Variants in SUMF1 observed in about 807,000 individuals in gnomAD.
SUMF1 encodes the protein formylglycine-generating enzyme.
In SUMF1, 48 loss-of-function variants were observed where a neutral mutation model predicts 47.6. The observed-to-expected ratio is 1.01, with a 90% CI of 0.80 to 1.28. SUMF1 has a LOEUF of 1.28. Ranked by LOEUF, SUMF1 falls within the 50% of genes most tolerant of loss-of-function variation. The probability of loss-of-function intolerance (pLI) is 0.00; values close to 1 mark genes in which losing one functional copy is unlikely to be tolerated. For synonymous variants in SUMF1, 230 were observed against 192.1 expected, an observed-to-expected ratio of 1.20 and a Z score of -1.63; for missense variants, 571 against 485.4, an observed-to-expected ratio of 1.18 and a Z score of -1.66.
chr3:4,277,429 G>C (rs1697441672), intron 8 of SUMF1, among the ~76,000 whole-genome samples: 2 of 151,876 alleles, frequency 1.3e-5, no homozygotes, highest in Admixed American at 1.3e-4. Context: ...AGATTACCCA[G>C]GACAGTACAA....
intron 3 of SUMF1, among the ~76,000 whole-genome samples, chr3:4,442,651 A>AAAAAAAAAG (rs1416742068): frequency 1.1e-3 from 36 of 34,010 alleles, no homozygotes; most frequent in African/African-American, 1.5e-3. Flanking sequence ...AAAAAAAAAA[A>AAAAAAAAAG]AGAGAGAGAA....
chr3:4,388,665 T>G (rs1389364993), intron 7 of SUMF1, among the ~76,000 whole-genome samples: 1 of 152,092 alleles, frequency 6.6e-6, no homozygotes. Context: ...TTCCTGTGGG[T>G]TACCCAAACT....
At chr3:4,054,787 G>T (rs1307874160) in intron 9 of SUMF1, among the ~76,000 whole-genome samples, 1 of 152,158 alleles carries the variant, frequency 6.6e-6, no homozygotes, top group Non-Finnish European at 1.5e-5. Flanking sequence ...TCTTTTAACA[G>T]ATATTGAGCT....
At chr3:4,120,590 G>C (rs1280448875) in intron 8 of SUMF1, among the ~76,000 whole-genome samples, 1 of 151,986 alleles carries the variant, frequency 6.6e-6, no homozygotes, top group East Asian at 1.9e-4. Flanking sequence ...GAAATTCAAG[G>C]CCAAACAGCT....
intron 8 of SUMF1, among the ~76,000 whole-genome samples, chr3:4,204,243 T>C (rs575218716): frequency 2.0e-5 from 3 of 152,226 alleles, no homozygotes; most frequent in African/African-American, 7.2e-5. Flanking sequence ...TTGAAGGATA[T>C]TCAAATACAT....
chr3:4,154,611 C>T (rs1357710768), intron 8 of SUMF1, among the ~76,000 whole-genome samples: 2 of 129,766 alleles, frequency 1.5e-5, no homozygotes, highest in African/African-American at 6.0e-5. Flanking sequence ...CAGAATTCAA[C>T]CTCTCGTTGA....
chr3:4,060,790 TG>T (rs1695264779), intron 9 of SUMF1, among the ~76,000 whole-genome samples: 1 of 152,172 alleles, frequency 6.6e-6, no homozygotes, highest in Admixed American at 6.5e-5. Context: ...AGGGTTATGA[TG>T]AGGAATAAAT....
At chr3:4,289,729 T>C (rs1697703752) in intron 8 of SUMF1, among the ~76,000 whole-genome samples, 1 of 152,052 alleles carries the variant, frequency 6.6e-6, no homozygotes, top group Non-Finnish European at 1.5e-5. Context: ...GTAAAGCATC[T>C]GGTTGTAGGG....
intron 8 of SUMF1, among the ~76,000 whole-genome samples, chr3:4,335,170 T>C (rs1207761809): frequency 6.6e-6 from 1 of 152,124 alleles, no homozygotes; most frequent in Non-Finnish European, 1.5e-5. Flanking sequence ...AAAAAAGTGA[T>C]CTCTGCCTGC....
intron 8 of SUMF1, among the ~76,000 whole-genome samples, chr3:4,105,148 A>C (rs1164340308): frequency 2.6e-5 from 4 of 152,162 alleles, no homozygotes; most frequent in Admixed American, 1.3e-4. Flanking sequence ...CAAATACTGC[A>C]TGATCTCACT....
chr3:4,355,866 G>T (rs1699606395), intron 8 of SUMF1, among the ~76,000 whole-genome samples: 1 of 152,106 alleles, frequency 6.6e-6, no homozygotes, highest in African/African-American at 2.4e-5. Context: ...ATGACTCTGG[G>T]GTCAATTACT....
intron 8 of SUMF1, among the ~76,000 whole-genome samples, chr3:4,374,996 C>A (rs1700279918): frequency 6.6e-6 from 1 of 151,746 alleles, no homozygotes. Context: ...GACCCCATCT[C>A]TAAAAAAAAT....
intron 7 of SUMF1, among the ~76,000 whole-genome samples, chr3:4,410,384 T>C (rs960516105): frequency 3.9e-5 from 6 of 152,232 alleles, no homozygotes; most frequent in Admixed American, 3.3e-4. Flanking sequence ...AATCACTAAA[T>C]GACACAACTT....
chr3:4,369,771 T>G (rs1387960065), intron 8 of SUMF1, among the ~76,000 whole-genome samples: 1 of 152,086 alleles, frequency 6.6e-6, no homozygotes, highest in Non-Finnish European at 1.5e-5. Context: ...AGAACCTACT[T>G]CTAACAAGCT....
intron 8 of SUMF1, among the ~76,000 whole-genome samples, chr3:4,205,246 G>C (rs1350404554): frequency 6.6e-6 from 1 of 152,100 alleles, no homozygotes; most frequent in South Asian, 2.1e-4. Context: ...AATGTACTTT[G>C]TGAGATCCAC....
At chr3:4,260,414 T>A (rs1228259956) in intron 8 of SUMF1, among the ~76,000 whole-genome samples, 1 of 152,206 alleles carries the variant, frequency 6.6e-6, no homozygotes, top group Non-Finnish European at 1.5e-5. Context: ...ATGTGAAATT[T>A]CTACATTTTA....
intron 7 of SUMF1, among the ~76,000 whole-genome samples, chr3:4,410,287 A>T (rs1459326540): frequency 6.6e-6 from 1 of 152,212 alleles, no homozygotes; most frequent in Non-Finnish European, 1.5e-5. Context: ...CACATGCCAG[A>T]ATAAGTAAAA....
intron 8 of SUMF1, among the ~76,000 whole-genome samples, chr3:4,268,222 T>G (rs973915587): frequency 6.6e-6 from 1 of 151,398 alleles, no homozygotes; most frequent in Admixed American, 6.6e-5. Context: ...AACATCACAC[T>G]CTGGGGACTG....
At chr3:4,209,982 C>T (rs1426943433) in intron 8 of SUMF1, among the ~76,000 whole-genome samples, 1 of 152,110 alleles carries the variant, frequency 6.6e-6, no homozygotes, top group South Asian at 2.1e-4. Context: ...GTAACCTCCA[C>T]CTCCTGGGTT....
Sources: allele counts gnomAD v4.1 joint callset (sites outside exome capture counted in the v4.1 genomes callset), GRCh38; gene constraint gnomAD v4.1.1; transcripts MANE v1.5; gene names NCBI Gene and HGNC (gene_info 2026-07-23, HGNC 2026-07-21).